Variants in HIBADH observed in about 807,000 individuals in gnomAD.
HIBADH encodes the protein 3-hydroxyisobutyrate dehydrogenase, also known as 3-hydroxyisobutyrate dehydrogenase, mitochondrial.
A neutral mutation model predicts 36.1 loss-of-function variants in HIBADH; 25 were observed. The ratio of observed to expected loss-of-function variants is 0.69; its 90% CI spans 0.50 to 0.97. The LOEUF (loss-of-function observed/expected upper bound fraction) is 0.97, where lower values mean the gene tolerates loss of function less well. Ranked by LOEUF, HIBADH falls within the 50% of genes least tolerant of loss-of-function variation. HIBADH has a pLI of 0.00. For synonymous variants in HIBADH, 160 were observed against 149.5 expected, an observed-to-expected ratio of 1.07 and a Z score of -0.51; for missense variants, 421 against 418.0, an observed-to-expected ratio of 1.01 and a Z score of -0.06.
chr7:27,529,471 T>C (rs1168014213), intron 7 of HIBADH, among the ~76,000 whole-genome samples: 1 of 152,188 alleles, frequency 6.6e-6, no homozygotes, highest in Non-Finnish European at 1.5e-5. Context: ...TGCTCATGGA[T>C]AACTTTGAGG....
intron 4 of HIBADH, among the ~76,000 whole-genome samples, chr7:27,559,228 G>A (rs2041714): frequency 0.76 from 115,385 of 152,058 alleles, 44,210 homozygotes; most frequent in East Asian, 0.94. Flanking sequence ...ACCTTTGTGA[G>A]GACCGTATCT....
At chr7:27,646,231 C>A (rs1786068239) in intron 2 of HIBADH, among the ~76,000 whole-genome samples, 1 of 152,150 alleles carries the variant, frequency 6.6e-6, no homozygotes, top group Admixed American at 6.5e-5. Flanking sequence ...CTGATCTAGG[C>A]ACCTTATTTT....
At chr7:27,528,638 G>C (rs1783948362) in intron 7 of HIBADH, among the ~76,000 whole-genome samples, 1 of 152,212 alleles carries the variant, frequency 6.6e-6, no homozygotes, top group African/African-American at 2.4e-5. Flanking sequence ...GACGTGTGAA[G>C]CTAGTAGTGA....
intron 4 of HIBADH, among the ~76,000 whole-genome samples, chr7:27,596,681 T>C (rs1562636462): frequency 6.6e-6 from 1 of 152,208 alleles, no homozygotes; most frequent in Admixed American, 6.5e-5. Context: ...TATTACAGGC[T>C]GAATGTCCCT....
intron 4 of HIBADH, among the ~76,000 whole-genome samples, chr7:27,546,554 G>A (rs1784237721): frequency 6.6e-6 from 1 of 152,076 alleles, no homozygotes; most frequent in African/African-American, 2.4e-5. Context: ...TAGCGGGTTT[G>A]GGCCGCACCT....
intron 4 of HIBADH, among the ~76,000 whole-genome samples, chr7:27,590,691 A>T (rs1232925434): frequency 2.0e-5 from 3 of 152,218 alleles, no homozygotes; most frequent in Admixed American, 6.5e-5. Flanking sequence ...TTCTGAAGGT[A>T]TCTGTTAATC....
chr7:27,592,535 T>C (rs1477912197), intron 4 of HIBADH, among the ~76,000 whole-genome samples: 1 of 152,322 alleles, frequency 6.6e-6, no homozygotes, highest in East Asian at 1.9e-4. Context: ...CCTGGCCCCA[T>C]TCATCCTATG....
chr7:27,592,012 A>C (rs12667235), intron 4 of HIBADH, among the ~76,000 whole-genome samples: 116,037 of 152,176 alleles, frequency 0.76, 44,748 homozygotes, highest in East Asian at 0.94. Flanking sequence ...TTCCATATTT[A>C]AGCAAAAACA....
intron 2 of HIBADH, 40 bp downstream of exon 2, chr7:27,649,433 A>T: frequency 6.6e-7 from 1 of 1,506,666 alleles, no homozygotes; most frequent in Non-Finnish European, 9.0e-7. Flanking sequence ...TTCATTTTTC[A>T]TTCTCAAAAT....
intron 4 of HIBADH, among the ~76,000 whole-genome samples, chr7:27,616,392 T>C (rs927632820): frequency 6.6e-6 from 1 of 152,168 alleles, no homozygotes; most frequent in Admixed American, 6.5e-5. Context: ...AGCACAGTAA[T>C]ATCAAATGAG....
At chr7:27,599,551 A>G (rs1986215) in intron 4 of HIBADH, among the ~76,000 whole-genome samples, 114,534 of 150,594 alleles carry the variant, frequency 0.76, 44,030 homozygotes, top group East Asian at 0.94. Context: ...GCGTGGTGGC[A>G]GGCACCTGTA....
chr7:27,656,855 T>C (rs928185797), intron 1 of HIBADH, among the ~76,000 whole-genome samples: 6 of 152,184 alleles, frequency 3.9e-5, no homozygotes, highest in Admixed American at 3.9e-4. Context: ...TAAAAGCCAG[T>C]TCTAAAGCAA....
At chr7:27,534,029 T>G (rs1404231292) in intron 6 of HIBADH, among the ~76,000 whole-genome samples, 1 of 152,174 alleles carries the variant, frequency 6.6e-6, no homozygotes, top group East Asian at 1.9e-4. Flanking sequence ...TTCTCTGATA[T>G]AAACAGAATG....
chr7:27,660,210 G>C (rs1786387979), intron 1 of HIBADH, among the ~76,000 whole-genome samples: 1 of 152,080 alleles, frequency 6.6e-6, no homozygotes, highest in South Asian at 2.1e-4. Context: ...ACAGAATTCA[G>C]AACATCACAC....
chr7:27,534,110 A>G lies in HIBADH; in HGVS notation c.696-2762T>C, dbSNP rs144268136. On this transcript the variant is annotated intron_variant, in intron 6 of 7. Coordinates refer to ENST00000265395, the MANE Select transcript of HIBADH (RefSeq NM_152740.4). ...CACTGTGTCAAATCTACTCACCTCT[A>G]AAACAAGAATTTTAAATGAGGTTTG... Among the ~76,000 whole-genome samples the G allele has an allele frequency of 3.2e-4, 48 of 152,350 alleles. No homozygotes were observed. In the East Asian group the frequency reaches 8.5e-3, roughly 27 times the overall value.
intron 4 of HIBADH, among the ~76,000 whole-genome samples, chr7:27,600,437 T>G (rs1353708229): frequency 6.6e-6 from 1 of 151,874 alleles, no homozygotes; most frequent in Non-Finnish European, 1.5e-5. Flanking sequence ...AGGAAAAGAG[T>G]AAAATCACAC....
chr7:27,565,027 T>C (rs1784525234), intron 4 of HIBADH, among the ~76,000 whole-genome samples: 1 of 152,144 alleles, frequency 6.6e-6, no homozygotes, highest in Non-Finnish European at 1.5e-5. Flanking sequence ...AGTAAAAGAC[T>C]AACCTTTAAG....
In HIBADH at chr7:27,526,349, A is replaced by G. The variant is rs1169120275; in HGVS notation, c.876T>C (p.Ser292=). The change falls in exon 8 of 8, where the codon TCT becomes TCC. Residue 292 remains serine, a synonymous_variant. Transcript: ENST00000265395. The part of the protein sequence containing the change: ...MAKDLGLAQD[S]ATSTKSPILL... ...GGATTGGGCTCTTTGTGCTGGTAGC[A>G]GAGTCTTGTGCCAATCCCAGATCCT... is the stretch of plus-strand genomic sequence containing the variant. 1 of 1,612,998 alleles carries G rather than the reference A, an allele frequency of 6.2e-7. No homozygotes were observed. The highest frequency in any genetic ancestry group is 8.5e-7 in the Non-Finnish European group (1 of 1,179,512).
chr7:27,544,553 GTTTAC>G (rs1474711242), intron 4 of HIBADH, among the ~76,000 whole-genome samples: 4 of 152,130 alleles, frequency 2.6e-5, no homozygotes, highest in African/African-American at 9.7e-5. Flanking sequence ...TTAGTTTCTA[GTTTAC>G]TTTATCAAGA....
Sources: allele counts gnomAD v4.1 joint callset (sites outside exome capture counted in the v4.1 genomes callset), GRCh38; gene constraint gnomAD v4.1.1; transcripts MANE v1.5; gene names NCBI Gene and HGNC (gene_info 2026-07-23, HGNC 2026-07-21).